Variants in SLMAP observed in about 807,000 individuals in gnomAD.
The protein encoded by SLMAP is sarcolemmal membrane-associated protein.
SLMAP carries 44 observed loss-of-function variants against 128.8 expected under a neutral mutation model. That is an observed-to-expected ratio of 0.34 (90% CI 0.27 to 0.44). SLMAP has a LOEUF of 0.44. Among genes scored for constraint, SLMAP ranks in the 20% least tolerant of loss-of-function variants. The probability of loss-of-function intolerance (pLI) is 1.00; values close to 1 mark genes in which losing one functional copy is unlikely to be tolerated. For synonymous variants in SLMAP, 327 were observed against 348.8 expected (o/e 0.94, Z 0.70); for missense variants, 787 against 985.3 (o/e 0.80, Z 2.69).
rs1344010288 is a variant in SLMAP, at chr3:57,799,529, T to C, written c.199-31854T>C. 2.0e-5 allele frequency among the ~76,000 whole-genome samples: 3 copies of C among 152,362 alleles called. No individual in the cohort carries two copies. The East Asian group carries it at 5.8e-4, about 29-fold the overall frequency. Reference sequence around the variant, plus strand: ...CTTAGTATTTATATTTCTCTCCACATGTTTTTCTTTCTGAAAGTAAGAATT... The same window carrying C: ...CTTAGTATTTATATTTCTCTCCACACGTTTTTCTTTCTGAAAGTAAGAATT... On this transcript the variant is annotated intron_variant, in intron 2 of 24. Coordinates refer to ENST00000671191, the MANE Select transcript of SLMAP (RefSeq NM_001377540.1).
At chr3:57,920,631 G>T (rs1041276430) in intron 22 of SLMAP, among the ~76,000 whole-genome samples, 2 of 152,080 alleles carry the variant, frequency 1.3e-5, no homozygotes, top group Non-Finnish European at 2.9e-5. Context: ...TACATTTAGG[G>T]ACAAGGAGGA....
intron 6 of SLMAP, among the ~76,000 whole-genome samples, chr3:57,852,619 ATAGGAAGGCACATTAAT>A (rs1340472796): frequency 6.6e-6 from 1 of 152,242 alleles, no homozygotes; most frequent in Admixed American, 6.5e-5. Flanking sequence ...TTACCATTCA[ATAGGAAGGCACATTAAT>A]TAAGCTGCTT....
intron 14 of SLMAP, among the ~76,000 whole-genome samples, chr3:57,872,287 G>A (rs1012157076): frequency 3.3e-5 from 5 of 151,596 alleles, no homozygotes; most frequent in Non-Finnish European, 5.9e-5. Context: ...GGGCAACAGA[G>A]CAAGACTCTG....
intron 2 of SLMAP, among the ~76,000 whole-genome samples, chr3:57,826,625 C>T (rs900029311): frequency 6.6e-6 from 1 of 152,110 alleles, no homozygotes; most frequent in Non-Finnish European, 1.5e-5. Context: ...AGCAGTTTTC[C>T]CTCAGTTTGG....
chr3:57,787,716 T>A (rs2084534137), intron 2 of SLMAP, among the ~76,000 whole-genome samples: 1 of 152,196 alleles, frequency 6.6e-6, no homozygotes, highest in Non-Finnish European at 1.5e-5. Flanking sequence ...CCTCAAGTGA[T>A]CTGCCCACCT....
chr3:57,760,206 C>T (rs1041092934), intron 2 of SLMAP, among the ~76,000 whole-genome samples: 1 of 152,192 alleles, frequency 6.6e-6, no homozygotes, highest in Non-Finnish European at 1.5e-5. Flanking sequence ...TCCCAAAGTG[C>T]TGGAATTACA....
At chr3:57,766,183 T>TTTGTA (rs1340426746) in intron 2 of SLMAP, among the ~76,000 whole-genome samples, 1 of 141,008 alleles carries the variant, frequency 7.1e-6, no homozygotes, top group African/African-American at 2.7e-5. Context: ...TTTTTTTTTT[T>TTTGTA]TTTTTTGTAT....
At chr3:57,858,730 C>T (rs1409464675) in intron 8 of SLMAP, among the ~76,000 whole-genome samples, 1 of 152,020 alleles carries the variant, frequency 6.6e-6, no homozygotes, top group Non-Finnish European at 1.5e-5. Flanking sequence ...ATCACCTGAG[C>T]TCGAGAGTTC....
chr3:57,872,238 G>A (rs1158966130), intron 14 of SLMAP, among the ~76,000 whole-genome samples: 3 of 152,180 alleles, frequency 2.0e-5, no homozygotes, highest in Admixed American at 1.3e-4. Context: ...GTAGGCAGAT[G>A]TTGCAGTGAG....
chr3:57,836,677 C>T lies in SLMAP; in HGVS notation c.347-4622C>T, dbSNP rs573283111. On this transcript the variant is annotated intron_variant, in intron 3 of 24. Coordinates refer to ENST00000671191, the MANE Select transcript of SLMAP (RefSeq NM_001377540.1). ...GATGTTTGGCATTCTTTGTGTATGGCTTCAAGGAGAAAACTCAATGGTCAG... is the reference window on the plus strand; with the variant it reads ...GATGTTTGGCATTCTTTGTGTATGGTTTCAAGGAGAAAACTCAATGGTCAG... 2.6e-4 allele frequency among the ~76,000 whole-genome samples: 39 copies of T among 152,230 alleles called. No homozygotes were observed. In the South Asian group the frequency reaches 8.1e-3, roughly 32 times the overall value.
intron 2 of SLMAP, among the ~76,000 whole-genome samples, chr3:57,807,830 G>A (rs538697089): frequency 6.6e-6 from 1 of 152,202 alleles, no homozygotes; most frequent in Non-Finnish European, 1.5e-5. Context: ...GTTTGGAATA[G>A]TTTCAGAAGG....
intron 19 of SLMAP, among the ~76,000 whole-genome samples, chr3:57,909,596 C>T (rs1034294375): frequency 2.0e-5 from 3 of 151,686 alleles, no homozygotes; most frequent in Admixed American, 1.3e-4. Context: ...TTCAACACGG[C>T]TCTTGGTGGA....
At chr3:57,802,556 G>A (rs7634566) in intron 2 of SLMAP, among the ~76,000 whole-genome samples, 37,894 of 152,000 alleles carry the variant, frequency 0.25, 5,213 homozygotes, top group East Asian at 0.48. Context: ...TTGAGCCACC[G>A]CGCTCAGCCT....
chr3:57,852,014 G>A (rs992638314), intron 6 of SLMAP, among the ~76,000 whole-genome samples: 110 of 151,858 alleles, frequency 7.2e-4, no homozygotes, highest in East Asian at 7.8e-4. Flanking sequence ...GGGTTCAAGC[G>A]ATTCTCCTGC....
intron 14 of SLMAP, among the ~76,000 whole-genome samples, chr3:57,878,600 AG>A (rs886943405): frequency 3.9e-4 from 60 of 152,298 alleles, no homozygotes; most frequent in African/African-American, 1.4e-3. Flanking sequence ...TCATTTATAA[AG>A]TGGGATGGCA....
At chr3:57,839,818 G>C (rs1240270896) in intron 3 of SLMAP, among the ~76,000 whole-genome samples, 1 of 151,708 alleles carries the variant, frequency 6.6e-6, no homozygotes, top group Non-Finnish European at 1.5e-5. Flanking sequence ...GCCTCCCAAG[G>C]TGCTAGGATT....
chr3:57,868,671 G>GAA (rs1185106000), intron 13 of SLMAP, among the ~76,000 whole-genome samples: 1 of 150,990 alleles, frequency 6.6e-6, no homozygotes, highest in East Asian at 1.9e-4. Flanking sequence ...AGGTTGCAAT[G>GAA]AACTATGATT....
At chr3:57,910,316 T>A (rs559582125) in intron 19 of SLMAP, among the ~76,000 whole-genome samples, 1 of 152,252 alleles carries the variant, frequency 6.6e-6, no homozygotes, top group Non-Finnish European at 1.5e-5. Context: ...CCCAAGTAGC[T>A]GGGACTACAG....
intron 2 of SLMAP, among the ~76,000 whole-genome samples, chr3:57,824,742 A>G (rs2092793036): frequency 6.6e-6 from 1 of 152,160 alleles, no homozygotes; most frequent in Admixed American, 6.6e-5. Flanking sequence ...GGTCCCTTGC[A>G]ATTTCCATAT....
Sources: allele counts gnomAD v4.1 joint callset (sites outside exome capture counted in the v4.1 genomes callset), GRCh38; gene constraint gnomAD v4.1.1; transcripts MANE v1.5; gene names NCBI Gene and HGNC (gene_info 2026-07-23, HGNC 2026-07-21).